The following ZBTB16 variants were observed in gnomAD, a reference collection of about 807,000 sequenced individuals.
ZBTB16 encodes the protein zinc finger and BTB domain containing 16.
A neutral mutation model predicts 56.8 loss-of-function variants in ZBTB16; 8 were observed. The ratio of observed to expected loss-of-function variants is 0.14; its 90% CI spans 0.08 to 0.25. The LOEUF is 0.25. Ranked by LOEUF, ZBTB16 falls within the 10% of genes least tolerant of loss-of-function variation. The pLI is 1.00. For missense variants in ZBTB16, 625 were observed against 903.0 expected (o/e 0.69, Z 3.95); for synonymous variants, 363 against 368.5 (o/e 0.98, Z 0.17).
Position 114,154,205 on chromosome 11 carries a change from C to T in ZBTB16, c.1269-2132C>T, listed in dbSNP as rs116990203. On this transcript the variant is annotated intron_variant, in intron 2 of 6. Transcript: ENST00000335953. Reference sequence around the variant, plus strand: ...GGTGGTGGCTCCCAAATCTGAAGACCGGTCACTCTAGTGTCCCTTTGGAAA... The same window carrying T: ...GGTGGTGGCTCCCAAATCTGAAGACTGGTCACTCTAGTGTCCCTTTGGAAA... Among the ~76,000 whole-genome samples the T allele has an allele frequency of 5.1e-4, 77 of 152,290 alleles. 3 individuals are homozygous for T. In the East Asian group the frequency reaches 0.012, roughly 23 times the overall value.
intron 4 of ZBTB16, among the ~76,000 whole-genome samples, chr11:114,192,382 T>C (rs1166867937): frequency 6.6e-6 from 1 of 152,210 alleles, no homozygotes; most frequent in Non-Finnish European, 1.5e-5. Flanking sequence ...TGGACTCTCC[T>C]TCTCAGTAGG....
intron 2 of ZBTB16, among the ~76,000 whole-genome samples, chr11:114,092,100 A>C (rs1329435561): frequency 6.6e-6 from 1 of 152,162 alleles, no homozygotes; most frequent in Non-Finnish European, 1.5e-5. Context: ...TCCCGGCCAG[A>C]GGGGCAGGTC....
At position 114,255,421 on chromosome 11, in the gene ZBTB16, CTT is replaced by C. The variant is rs567166657; in HGVS notation, c.*4868_*4869del. On this transcript the variant is annotated 3_prime_UTR_variant, in exon 7 of 7. Coordinates refer to ENST00000335953, the MANE Select transcript of ZBTB16 (RefSeq NM_006006.6). ...TTTGTACAAATCAATCTCTTTCTCT[CTT>C]TCTCTCCTCCCCACCTCTCACCCTT... 0.025 allele frequency among the ~76,000 whole-genome samples: 1,672 copies of C among 66,686 alleles called. 32 individuals carry two copies. Among genetic ancestry groups the C allele is most frequent in the African/African-American group, 0.061 (1,558 of 25,590 alleles). 43.7% of individuals were successfully genotyped at this position (66,686 alleles called of 152,430 possible). A position where few individuals can be genotyped will look rare whatever the true frequency, so the allele number is the denominator to read the frequency against.
At chr11:114,220,723 C>T (rs561742511) in intron 4 of ZBTB16, among the ~76,000 whole-genome samples, 46 of 152,256 alleles carry the variant, frequency 3.0e-4, no homozygotes, top group Middle Eastern at 3.4e-3. Context: ...TCACGGCCCC[C>T]GTTAATTAAG....
intron 4 of ZBTB16, among the ~76,000 whole-genome samples, chr11:114,200,113 G>A (rs1943702624): frequency 6.7e-6 from 1 of 148,686 alleles, no homozygotes; most frequent in African/African-American, 2.5e-5. Flanking sequence ...GGGGGACAGA[G>A]CGAGACTCCG....
chr11:114,208,151 C>T (rs1003385120), intron 4 of ZBTB16, among the ~76,000 whole-genome samples: 3 of 152,202 alleles, frequency 2.0e-5, no homozygotes, highest in African/African-American at 7.2e-5. Context: ...CATAGATGTA[C>T]ACCACTTGCC....
At chr11:114,207,591 A>C (rs1424889415) in intron 4 of ZBTB16, among the ~76,000 whole-genome samples, 3 of 53,924 alleles carry the variant, frequency 5.6e-5, no homozygotes, top group East Asian at 1.2e-3. Flanking sequence ...CACACACACA[A>C]CACACACACA....
Position 114,219,015 on chromosome 11 carries a change from C to CGT in ZBTB16, c.1454-23138_1454-23137dup, listed in dbSNP as rs149925140. 4.6e-3 allele frequency among the ~76,000 whole-genome samples: 696 copies of CGT among 151,408 alleles called. 4 individuals are homozygous for CGT. Among genetic ancestry groups the CGT allele is most frequent in the African/African-American group, 0.015 (629 of 41,350 alleles). On this transcript the variant is annotated intron_variant, in intron 4 of 6. Coordinates refer to ENST00000335953, the MANE Select transcript of ZBTB16 (RefSeq NM_006006.6). ...TTGGCACAAGGCGTAAAGTGAGAGC[C>CGT]GTGTGTGTGTGTGTGCATGTGCGTG...
At chr11:114,244,022 C>T (rs1944767184) in intron 5 of ZBTB16, among the ~76,000 whole-genome samples, 1 of 152,132 alleles carries the variant, frequency 6.6e-6, no homozygotes, top group African/African-American at 2.4e-5. Flanking sequence ...GAGAAACACC[C>T]ATCAATTTTC....
At chr11:114,118,429 A>G (rs1196607128) in intron 2 of ZBTB16, among the ~76,000 whole-genome samples, 1 of 151,298 alleles carries the variant, frequency 6.6e-6, no homozygotes, top group Non-Finnish European at 1.5e-5. Flanking sequence ...TGCTTGCCTC[A>G]CCTCCCAAAG....
At chr11:114,161,454 G>A (rs1024526271) in intron 3 of ZBTB16, among the ~76,000 whole-genome samples, 1 of 152,180 alleles carries the variant, frequency 6.6e-6, no homozygotes, top group Non-Finnish European at 1.5e-5. Flanking sequence ...GTCTAGAGTG[G>A]GAGATGAGTA....
chr11:114,242,132 C>A (rs1311604257), intron 4 of ZBTB16, 35 bp from the exon 5 acceptor site: 2 of 1,612,846 alleles, frequency 1.2e-6, no homozygotes, highest in Non-Finnish European at 1.7e-6. Flanking sequence ...TGTATTCCCA[C>A]CTTTCTGAGG....
intron 4 of ZBTB16, among the ~76,000 whole-genome samples, chr11:114,195,148 G>A (rs1943576187): frequency 6.6e-6 from 1 of 152,216 alleles, no homozygotes; most frequent in South Asian, 2.1e-4. Context: ...AGGCCTGGGG[G>A]CAACAGACAG....
chr11:114,243,603 A>G (rs966987251), intron 5 of ZBTB16, among the ~76,000 whole-genome samples: 2 of 152,208 alleles, frequency 1.3e-5, no homozygotes, highest in Admixed American at 1.3e-4. Flanking sequence ...TGGGCTCAAT[A>G]AAAAGGGCCC....
intron 2 of ZBTB16, among the ~76,000 whole-genome samples, chr11:114,153,007 G>T (rs1214414795): frequency 6.6e-6 from 1 of 152,172 alleles, no homozygotes; most frequent in Non-Finnish European, 1.5e-5. Context: ...TCTAAAGAGG[G>T]AATAGACTGT....
At chr11:114,181,724 A>G (rs190776503) in intron 3 of ZBTB16, among the ~76,000 whole-genome samples, 7 of 152,040 alleles carry the variant, frequency 4.6e-5, no homozygotes, top group East Asian at 3.9e-4. Context: ...AGATCCTGCT[A>G]TTTTTCTCGG....
intron 4 of ZBTB16, among the ~76,000 whole-genome samples, chr11:114,213,484 A>C (rs192224096): frequency 1.2e-3 from 182 of 152,310 alleles, no homozygotes; most frequent in Non-Finnish European, 2.1e-3. Context: ...ATAGGGCACC[A>C]CTGTGAAAAA....
At chr11:114,207,731 G>A (rs927310308) in intron 4 of ZBTB16, among the ~76,000 whole-genome samples, 8 of 152,002 alleles carry the variant, frequency 5.3e-5, no homozygotes, top group South Asian at 4.2e-4. Context: ...CTCCTGCCTC[G>A]GCCTCCTGAG....
intron 2 of ZBTB16, among the ~76,000 whole-genome samples, chr11:114,125,103 A>T (rs1036966877): frequency 1.4e-5 from 2 of 144,970 alleles, no homozygotes; most frequent in African/African-American, 5.2e-5. Context: ...TATTGGAGTT[A>T]AAAAAAAAAT....
Sources: allele counts gnomAD v4.1 joint callset (sites outside exome capture counted in the v4.1 genomes callset), GRCh38; gene constraint gnomAD v4.1.1; transcripts MANE v1.5; gene names NCBI Gene and HGNC (gene_info 2026-07-23, HGNC 2026-07-21).